Variants in INPP5A observed in about 807,000 individuals in gnomAD.
INPP5A encodes 43 kDa inositol polyphosphate 5-phophatase.
INPP5A carries 14 observed loss-of-function variants against 65.2 expected under a neutral mutation model. The ratio of observed to expected loss-of-function variants is 0.21; its 90% CI spans 0.14 to 0.34. The LOEUF (loss-of-function observed/expected upper bound fraction) is 0.34. Ranked by LOEUF, INPP5A falls within the 10% of genes least tolerant of loss-of-function variation. INPP5A has a pLI of 1.00. For synonymous variants in INPP5A, 207 were observed against 208.3 expected (o/e 0.99, Z 0.05); for missense variants, 431 against 545.6 (o/e 0.79, Z 2.09).
intron 12 of INPP5A, among the ~76,000 whole-genome samples, chr10:132,775,970 G>C (rs189130411): frequency 6.6e-6 from 1 of 152,108 alleles, no homozygotes; most frequent in Non-Finnish European, 1.5e-5. Context: ...TGTCCGGGGG[G>C]CAGTGGACGT....
At position 132,727,756 on chromosome 10, in the gene INPP5A, A is replaced by G. The variant is rs1846010938; in HGVS notation, c.732+851A>G. ...AGCTGACAGCCCACAGCGGGGCCAC[A>G]GTAAGTTGGATGGGGCCACGGTGAG... On this transcript the variant is annotated intron_variant, in intron 9 of 15. Coordinates refer to ENST00000368594, the MANE Select transcript of INPP5A (RefSeq NM_005539.5). The surrounding 1 kb of genome is among the most constrained non-coding windows in gnomAD (Gnocchi z 6.5). Among the ~76,000 whole-genome samples the G allele has an allele frequency of 6.6e-6, 1 of 151,782 alleles. No individual in the cohort carries two copies. The highest frequency in any genetic ancestry group is 1.5e-5 in the Non-Finnish European group (1 of 67,936).
chr10:132,677,313 G>T (rs2072979509), intron 4 of INPP5A, among the ~76,000 whole-genome samples: 1 of 152,198 alleles, frequency 6.6e-6, no homozygotes, highest in Non-Finnish European at 1.5e-5. Flanking sequence ...CTCTGTCATG[G>T]CCCCCCTCAC....
intron 9 of INPP5A, among the ~76,000 whole-genome samples, chr10:132,742,273 A>AT (rs1238654277): frequency 6.6e-6 from 1 of 152,228 alleles, no homozygotes; most frequent in African/African-American, 2.4e-5. Flanking sequence ...GTTCCCCTTG[A>AT]TGCAGCCCCG....
In INPP5A at chr10:132,551,101, A is replaced by G. The variant is rs569771412; in HGVS notation, c.75+12930A>G. On this transcript the variant is annotated intron_variant, in intron 1 of 15. Transcript: ENST00000368594. This position sits in a 1 kb window ranked among gnomAD's most constrained non-coding sequence, Gnocchi z 5.3. ...TGAGCCCACTGAGCAGATGATGGGG[A>G]TGAGGCCCAGAGTGCGAGCCTGGTG... is the stretch of plus-strand genomic sequence containing the variant. 6.6e-6 allele frequency among the ~76,000 whole-genome samples: 1 copy of G among 152,250 alleles called. No individual in the cohort carries two copies. The highest frequency in any genetic ancestry group is 1.9e-4 in the East Asian group (1 of 5,172).
At chr10:132,623,158 C>A (rs1414214557) in intron 2 of INPP5A, among the ~76,000 whole-genome samples, 1 of 152,066 alleles carries the variant, frequency 6.6e-6, no homozygotes, top group Non-Finnish European at 1.5e-5. Context: ...AAAATATACA[C>A]AGGAAAGCAA....
At chr10:132,751,788 G>A (rs889003281) in intron 11 of INPP5A, among the ~76,000 whole-genome samples, 13 of 148,916 alleles carry the variant, frequency 8.7e-5, no homozygotes, top group Middle Eastern at 6.8e-3. Context: ...CTGGATGGAG[G>A]CAGGTGCCCA....
At chr10:132,768,657 G>A (rs535264041) in intron 12 of INPP5A, among the ~76,000 whole-genome samples, 5 of 152,338 alleles carry the variant, frequency 3.3e-5, no homozygotes, top group Non-Finnish European at 5.9e-5. Flanking sequence ...GTGGGAAGGC[G>A]TCCTTGCCAC....
In INPP5A at chr10:132,683,935, G is replaced by A. The variant is rs377256490; in HGVS notation, c.307-6457G>A. On this transcript the variant is annotated intron_variant, in intron 4 of 15. Transcript: ENST00000368594. ...TCGCCATGTTGGCCAGGCTGGTCTC[G>A]AACTCCTGACCTCAAGTGGTCGACC... Among the ~76,000 whole-genome samples the A allele has an allele frequency of 5.3e-5, 8 of 152,282 alleles. No homozygotes were observed. In the East Asian group the frequency reaches 5.8e-4, roughly 11 times the overall value.
At position 132,590,600 on chromosome 10, in the gene INPP5A, G is replaced by A. The variant is rs181378191; in HGVS notation, c.76-17315G>A. ...TCGCACCCTCCAGCGATGGGTCCTC[G>A]GTGCAGTGATCTCAAGCGTCGCGTC... On this transcript the variant is annotated intron_variant, in intron 1 of 15. Coordinates refer to ENST00000368594, the MANE Select transcript of INPP5A (RefSeq NM_005539.5). Among the ~76,000 whole-genome samples the A allele has an allele frequency of 7.0e-3, 1,061 of 152,278 alleles. 8 individuals carry two copies. Among genetic ancestry groups the A allele is most frequent in the Non-Finnish European group, 0.012 (833 of 68,030 alleles).
chr10:132,768,535 C>T (rs1489896343), intron 12 of INPP5A, among the ~76,000 whole-genome samples: 3 of 152,354 alleles, frequency 2.0e-5, no homozygotes, highest in African/African-American at 7.2e-5. Context: ...AGTGCCTCTG[C>T]GTGCCAGGCT....
intron 1 of INPP5A, among the ~76,000 whole-genome samples, chr10:132,573,559 G>T (rs1387171112): frequency 1.1e-3 from 52 of 49,340 alleles, no homozygotes; most frequent in Middle Eastern, 0.024. Context: ...GTGTGCTGTG[G>T]GAGGTTTTGT....
intron 1 of INPP5A, among the ~76,000 whole-genome samples, chr10:132,582,567 G>A (rs750087771): frequency 3.9e-5 from 6 of 151,952 alleles, no homozygotes; most frequent in Non-Finnish European, 7.4e-5. Context: ...AAAGGCATGC[G>A]CCACCATGCC....
chr10:132,740,046 G>A (rs1018574553), intron 9 of INPP5A, among the ~76,000 whole-genome samples: 2 of 152,218 alleles, frequency 1.3e-5, no homozygotes, highest in Non-Finnish European at 2.9e-5. Context: ...CGCCTGTGAA[G>A]CGATTGGCTG....
intron 12 of INPP5A, among the ~76,000 whole-genome samples, chr10:132,770,895 G>C (rs2767430): frequency 0.018 from 2,752 of 152,256 alleles, 90 homozygotes; most frequent in African/African-American, 0.062. Context: ...GAATATGGCA[G>C]AGCTCAAGGG....
rs558779930 is a variant in INPP5A at position 132,678,957 on chromosome 10, A to G, written c.307-11435A>G. Among the ~76,000 whole-genome samples, 16 of 152,338 alleles carry G rather than the reference A, an allele frequency of 1.1e-4. No individual in the cohort carries two copies. Among genetic ancestry groups the G allele is most frequent in the African/African-American group, 2.6e-4 (11 of 41,582 alleles). On this transcript the variant is annotated intron_variant, in intron 4 of 15. Transcript: ENST00000368594. The surrounding 1 kb of genome is among the most constrained non-coding windows in gnomAD (Gnocchi z 4.1). ...CAGCCTCCTCAGGCCCAGATGGCCAATGGGGCTGGAGCTCTGTCAGCTGGG... is the reference window on the plus strand; with the variant it reads ...CAGCCTCCTCAGGCCCAGATGGCCAGTGGGGCTGGAGCTCTGTCAGCTGGG...
chr10:132,666,849 G>T (rs2072811527), intron 4 of INPP5A, among the ~76,000 whole-genome samples: 1 of 152,194 alleles, frequency 6.6e-6, no homozygotes, highest in African/African-American at 2.4e-5. Context: ...AAGTGGACTC[G>T]GGTAGAGAAA....
chr10:132,745,811 G>A (rs1590977704), intron 9 of INPP5A, among the ~76,000 whole-genome samples: 1 of 150,286 alleles, frequency 6.7e-6, no homozygotes. Context: ...CCTCGGGTGT[G>A]GTGGCCCTGG....
At chr10:132,701,356 G>C (rs1399752884) in intron 6 of INPP5A, among the ~76,000 whole-genome samples, 1 of 152,192 alleles carries the variant, frequency 6.6e-6, no homozygotes, top group Admixed American at 6.5e-5. Context: ...GCGGAGCCAC[G>C]GCCGTCCCAT....
chr10:132,541,557 T>C (rs2070906779), intron 1 of INPP5A, among the ~76,000 whole-genome samples: 1 of 152,200 alleles, frequency 6.6e-6, no homozygotes, highest in Non-Finnish European at 1.5e-5. Flanking sequence ...GAAAGAGTTC[T>C]TGTTTATGTT....
Sources: gnomAD v4.1 joint callset for allele counts (sites outside exome capture counted in the v4.1 genomes callset) on GRCh38, gnomAD v4.1.1 for gene constraint, Gnocchi (gnomAD v3.1) non-coding constraint, MANE v1.5 for transcripts, NCBI Gene and HGNC (gene_info 2026-07-23, HGNC 2026-07-21) for gene names.